UBR3: variants seen among roughly 807,000 people sequenced by gnomAD.
UBR3 encodes ubiquitin protein ligase E3 component n-recognin 3, also known as E3 ubiquitin-protein ligase UBR3.
Under a neutral mutation model 243.2 loss-of-function variants are expected in UBR3, and 85 were observed. The observed-to-expected ratio is 0.35, with a 90% confidence interval of 0.29 to 0.42. The LOEUF (loss-of-function observed/expected upper bound fraction) is 0.42. UBR3 is among the 10% of genes least tolerant of loss of function. The pLI, the probability that UBR3 is intolerant of heterozygous loss-of-function variation, is 1.00. For synonymous variants in UBR3, 748 were observed against 799.8 expected, an observed-to-expected ratio of 0.94 and a Z score of 1.09; for missense variants, 1,686 against 2,300.8, an observed-to-expected ratio of 0.73 and a Z score of 5.47.
At chr2:170,023,235 G>T (rs1375614596) in intron 30 of UBR3, among the ~76,000 whole-genome samples, 1 of 151,868 alleles carries the variant, frequency 6.6e-6, no homozygotes, top group African/African-American at 2.4e-5. Context: ...AGCCTTCTGA[G>T]TAGCTGGGAC....
chr2:169,896,853 TATTCTAG>T, intron 8 of UBR3, 118 bp downstream of exon 8: 3 of 677,268 alleles, frequency 4.4e-6, no homozygotes, highest in Non-Finnish European at 6.6e-6. Context: ...TTATTAATCA[TATTCTAG>T]TATTAGTGAA....
intron 32 of UBR3, among the ~76,000 whole-genome samples, chr2:170,043,552 T>C (rs896328588): frequency 6.6e-6 from 1 of 152,224 alleles, no homozygotes; most frequent in Non-Finnish European, 1.5e-5. Flanking sequence ...TTGTTAATAA[T>C]CATGCCTTAA....
chr2:169,946,502 A>G (rs539920825), intron 21 of UBR3, 110 bp downstream of exon 21: 1 of 448,248 alleles, frequency 2.2e-6, no homozygotes, highest in East Asian at 3.7e-5. Context: ...GACATACCTT[A>G]GGAAAATGTA....
At chr2:169,912,387 G>T (rs2105337684) in intron 10 of UBR3, among the ~76,000 whole-genome samples, 1 of 152,026 alleles carries the variant, frequency 6.6e-6, no homozygotes, top group East Asian at 1.9e-4. Context: ...TCATCTCTTG[G>T]AAACCACTAA....
intron 35 of UBR3, among the ~76,000 whole-genome samples, chr2:170,072,262 A>G (rs1288505951): frequency 2.6e-5 from 4 of 152,154 alleles, no homozygotes; most frequent in African/African-American, 9.7e-5. Context: ...ATGAGTTCAT[A>G]TCCTTTGTAG....
chr2:170,048,081 T>C (rs1298723330), intron 32 of UBR3, among the ~76,000 whole-genome samples: 1 of 152,240 alleles, frequency 6.6e-6, no homozygotes, highest in East Asian at 1.9e-4. Flanking sequence ...AGCTGGCTTC[T>C]GCTTACTCCT....
intron 31 of UBR3, among the ~76,000 whole-genome samples, chr2:170,036,189 G>GT (rs2090827630): frequency 1.3e-5 from 2 of 152,036 alleles, no homozygotes; most frequent in African/African-American, 4.8e-5. Context: ...GCATTAGCTA[G>GT]TACTTCCAGT....
intron 11 of UBR3, among the ~76,000 whole-genome samples, 177 bp downstream of exon 11, chr2:169,914,323 G>C (rs1031774): frequency 0.14 from 21,362 of 152,154 alleles, 2,037 homozygotes; most frequent in East Asian, 0.44. Context: ...TAGTTCTTTA[G>C]TTCTTTGACA....
chr2:169,838,390 TGTGTG>T (rs2082180968), intron 1 of UBR3, among the ~76,000 whole-genome samples: 3 of 2,430 alleles, frequency 1.2e-3, no homozygotes, highest in East Asian at 0.017. Context: ...AAGGCATTTG[TGTGTG>T]TGTGTGTGTG....
At chr2:169,875,767 A>AT (rs750363789) in intron 2 of UBR3, 24 bp from the exon 3 acceptor site, 28 of 1,495,254 alleles carry the variant, frequency 1.9e-5, no homozygotes, top group South Asian at 5.4e-5. Flanking sequence ...CCCTTATTTG[A>AT]TTTTTTTTCT....
At chr2:169,877,416 A>G (rs756331067) in intron 3 of UBR3, 78 bp from the exon 4 acceptor site, 44 of 1,264,114 alleles carry the variant, frequency 3.5e-5, no homozygotes, top group Non-Finnish European at 4.6e-5. Flanking sequence ...ACCTATTTAT[A>G]GATACTAGTT....
intron 18 of UBR3, among the ~76,000 whole-genome samples, chr2:169,930,885 A>G (rs191742489): frequency 6.6e-6 from 1 of 152,110 alleles, no homozygotes; most frequent in Non-Finnish European, 1.5e-5. Flanking sequence ...CCTGCTATCT[A>G]CTTGCTCCTA....
intron 23 of UBR3, among the ~76,000 whole-genome samples, chr2:169,957,188 C>T (rs2087339626): frequency 6.6e-6 from 1 of 152,130 alleles, no homozygotes; most frequent in Admixed American, 6.5e-5. Flanking sequence ...GTTAGCATCA[C>T]ATAATCTGAA....
intron 24 of UBR3, among the ~76,000 whole-genome samples, chr2:169,962,530 C>T (rs1375844737): frequency 3.3e-5 from 5 of 152,176 alleles, no homozygotes; most frequent in Admixed American, 3.3e-4. Context: ...TTTTGTTATA[C>T]AGCAATACTT....
intron 1 of UBR3, among the ~76,000 whole-genome samples, chr2:169,861,351 C>T (rs546833005): frequency 1.1e-4 from 17 of 152,226 alleles, no homozygotes; most frequent in Middle Eastern, 3.4e-3. Context: ...GGCTCACGCC[C>T]GTAATCCCAG....
In UBR3 at chr2:169,857,063, T is replaced by C. The variant is rs534381122; in HGVS notation, c.546-15173T>C. ...AATGATTTCCAGCATAATTTTATTA[T>C]GTTTTTTTTTTTTTTTTTTTTTTTT... On this transcript the variant is annotated intron_variant, in intron 1 of 38. Coordinates refer to ENST00000272793, the MANE Select transcript of UBR3 (RefSeq NM_172070.4). Among the ~76,000 whole-genome samples the C allele has an allele frequency of 6.9e-4, 40 of 57,996 alleles. 1 individual carries two copies. The highest frequency in any genetic ancestry group is 1.7e-3 in the African/African-American group (39 of 23,256). The allele number at this position is 57,996 out of a possible 152,430, so 38.0% of individuals were successfully genotyped here. A position where few individuals can be genotyped will look rare whatever the true frequency, so the allele number is the denominator to read the frequency against.
chr2:169,912,842 A>G (rs180685916), intron 10 of UBR3, among the ~76,000 whole-genome samples: 48 of 152,026 alleles, frequency 3.2e-4, no homozygotes, highest in Middle Eastern at 3.4e-3. Context: ...GTGCAGTAGC[A>G]TGATCATAGC....
chr2:169,870,878 G>A (rs1306300436), intron 1 of UBR3, among the ~76,000 whole-genome samples: 3 of 150,670 alleles, frequency 2.0e-5, no homozygotes, highest in Non-Finnish European at 3.0e-5. Context: ...GGTCTTGAAC[G>A]CCTGACCTCA....
chr2:169,926,891 T>G lies in UBR3; in HGVS notation c.2258T>G (p.Leu753Arg). The part of the protein sequence containing the change: ...TMASQHQNTV[L>R]DAEHERSMLE... ...GCATCACAACATCAAAATACAGTAC[T>G]TGATGCAGAGCATGAGAGGTCGATG... The change falls in exon 16 of 39, where the codon CTT becomes CGT. Residue 753 changes from leucine (L) to arginine (R), a missense_variant. Physicochemically the swap from Leu to Arg is moderately radical, Grantham distance 102 (BLOSUM62 -2). Coordinates refer to ENST00000272793, the MANE Select transcript of UBR3 (RefSeq NM_172070.4). 3 of 1,551,100 alleles carry G rather than the reference T, an allele frequency of 1.9e-6. No homozygotes were observed. The highest frequency in any genetic ancestry group is 2.6e-6 in the Non-Finnish European group (3 of 1,146,534).
Sources: gnomAD v4.1 joint callset for allele counts (sites outside exome capture counted in the v4.1 genomes callset) on GRCh38, gnomAD v4.1.1 for gene constraint, MANE v1.5 for transcripts, NCBI Gene and HGNC (gene_info 2026-07-23, HGNC 2026-07-21) for gene names.